PELP1: variants seen among roughly 807,000 people sequenced by gnomAD.
PELP1 encodes proline-, glutamic acid- and leucine-rich protein 1.
In PELP1, 32 loss-of-function variants were observed where a neutral mutation model predicts 95.5. The observed-to-expected ratio is 0.34, with a 90% CI of 0.25 to 0.45. PELP1 has a LOEUF of 0.45. Among genes scored for constraint, PELP1 ranks in the 20% least tolerant of loss-of-function variants. The pLI is 1.00. For synonymous variants in PELP1, 668 were observed against 600.1 expected, an observed-to-expected ratio of 1.11 and a Z score of -1.65; for missense variants, 1,358 against 1,444.8, an observed-to-expected ratio of 0.94 and a Z score of 0.97.
intron 5 of PELP1, among the ~76,000 whole-genome samples, chr17:4,677,541 T>C (rs1466417581): frequency 6.6e-6 from 1 of 152,226 alleles, no homozygotes; most frequent in Non-Finnish European, 1.5e-5. Context: ...ATTATAATTG[T>C]AACACATCCT....
intron 1 of PELP1, among the ~76,000 whole-genome samples, chr17:4,694,444 G>T (rs1416001277): frequency 6.8e-6 from 1 of 146,956 alleles, no homozygotes; most frequent in Non-Finnish European, 1.5e-5. Context: ...CTGAGGTCAG[G>T]GGTTTGAGAC....
intron 3 of PELP1, among the ~76,000 whole-genome samples, chr17:4,686,350 A>T (rs1912909008): frequency 6.6e-6 from 1 of 152,126 alleles, no homozygotes; most frequent in Admixed American, 6.5e-5. Context: ...TCTGACACTA[A>T]ATCTGTCTCA....
rs1003370912 is a variant in PELP1, at chr17:4,673,014, G to A, written c.1977C>T (p.Pro659=). Residue 659 remains proline, a synonymous_variant, in exon 16 of 17, where the codon CCC becomes CCT. Transcript: ENST00000572293. This position sits in a 1 kb window ranked among gnomAD's most constrained non-coding sequence, Gnocchi z 5.7. ...APVPPPEAPS[P]FRAPPFHPPG... ...GAGGATGGAACGGTGGGGCCCTGAA[G>A]GGCGATGGGGCCTCAGGAGGGGGAA... The A allele has an allele frequency of 1.9e-6, 3 of 1,540,908 alleles. No homozygotes were observed. The highest frequency in any genetic ancestry group is 1.7e-6 in the Non-Finnish European group (2 of 1,146,310).
intron 1 of PELP1, among the ~76,000 whole-genome samples, chr17:4,693,426 T>C (rs920524166): frequency 2.6e-5 from 4 of 152,248 alleles, no homozygotes; most frequent in Non-Finnish European, 4.4e-5. Flanking sequence ...AAACTGTTTT[T>C]TTCCTATACA....
At position 4,690,952 on chromosome 17, in the gene PELP1, C is replaced by T. The variant is rs748356348; in HGVS notation, c.356G>A (p.Ser119Asn). Residue 119 changes from serine (S) to asparagine (N), a missense_variant, in exon 3 of 17, where the codon AGC becomes AAC. Ser to Asn is a conservative substitution (Grantham distance 46, BLOSUM62 1). This residue lies in a region of PELP1 where 538 missense variants were observed against 628.1 expected (regional missense o/e 0.86). Transcript: ENST00000572293. ...GTGCTGCTGGAATAGCTCTGTGGGG[C>T]TCTCCCCTACCAGCAGGGACAGCAG... The part of the protein sequence containing the change: ...LCLLSLLVGE[S>N]PTELFQQHCV... 2 of 1,613,854 alleles carry T rather than the reference C, an allele frequency of 1.2e-6. No individual in the cohort carries two copies. Among genetic ancestry groups the T allele is most frequent in the Non-Finnish European group, 8.5e-7 (1 of 1,179,782 alleles).
At chr17:4,682,986 C>G (rs1912749043) in intron 3 of PELP1, 34 bp from the exon 4 acceptor site, 2 of 1,439,876 alleles carry the variant, frequency 1.4e-6, no homozygotes, top group South Asian at 1.6e-5. Flanking sequence ...TGCTTCCAGC[C>G]TCACCTTGAT....
chr17:4,704,023 C>T lies in PELP1; in HGVS notation c.89G>A (p.Gly30Asp), dbSNP rs761718615. The change falls in exon 1 of 17, where the codon GGC becomes GAC. Residue 30 changes from glycine (G) to aspartate (D), a missense_variant. Around this residue, in one of 7 missense-constraint regions of PELP1, gnomAD observed 169 missense variants for 134.9 expected, o/e 1.25. Transcript: ENST00000572293. ...CAGCAGCAGCAGGCGGAGCCGCGGG[C>T]CCGAGCTCACTGCCGAGAGACCCCC... ...GTGGLSAVSSGPRLRLLLLES... is the reference protein window; with the variant it reads ...GTGGLSAVSSDPRLRLLLLES... 6.2e-7 allele frequency: 1 copy of T among 1,613,052 alleles called. No homozygotes were observed. Among genetic ancestry groups the T allele is most frequent in the Non-Finnish European group, 8.5e-7 (1 of 1,179,706 alleles).
At chr17:4,682,021 C>A (rs1057072091) in intron 5 of PELP1, among the ~76,000 whole-genome samples, 3 of 151,624 alleles carry the variant, frequency 2.0e-5, no homozygotes, top group Non-Finnish European at 1.5e-5. Flanking sequence ...ATTAGCTGGG[C>A]GTGGTGGCAC....
intron 3 of PELP1, among the ~76,000 whole-genome samples, chr17:4,689,141 C>T (rs561070846): frequency 1.3e-5 from 2 of 152,270 alleles, no homozygotes; most frequent in African/African-American, 2.4e-5. Context: ...TGGCAAGCCA[C>T]ATGTAGAAGA....
intron 13 of PELP1, among the ~76,000 whole-genome samples, chr17:4,674,161 G>A (rs1271186557): frequency 3.3e-5 from 5 of 152,248 alleles, no homozygotes; most frequent in African/African-American, 9.6e-5. Flanking sequence ...ATACACCAAG[G>A]ACGTGCTGAA....
rs759715894 is a variant in PELP1 at position 4,673,365 on chromosome 17, C to T, written c.1730G>A (p.Arg577His). The T allele has an allele frequency of 4.4e-6, 7 of 1,595,620 alleles. No individual in the cohort carries two copies. Among genetic ancestry groups the T allele is most frequent in the Middle Eastern group, 1.7e-4 (1 of 5,876 alleles). Reference protein sequence around the residue: ...SSPYTSSRCRRELYCLLLALL... With the variant: ...SSPYTSSRCRHELYCLLLALL... ...CGCCAGCAGCAGGCAGTAGAGTTCA[C>T]GGCGGCAGCGGGAGCTCGTGTACGG... is the stretch of plus-strand genomic sequence containing the variant. The change falls in exon 15 of 17, where the codon CGT (arginine) becomes CAT (histidine). Residue 577 changes from arginine (R) to histidine (H), a missense_variant. Physicochemically the swap from Arg to His is conservative, Grantham distance 29. Transcript: ENST00000572293. The surrounding 1 kb of genome is among the most constrained non-coding windows in gnomAD (Gnocchi z 5.7).
chr17:4,703,166 C>T (rs967533006), intron 1 of PELP1, among the ~76,000 whole-genome samples: 1 of 152,182 alleles, frequency 6.6e-6, no homozygotes, highest in South Asian at 2.1e-4. Flanking sequence ...TCTCACCAGT[C>T]TCATCTGTAC....
rs1195886064 is a variant in PELP1 at position 4,675,341 on chromosome 17, G to A, written c.1090C>T (p.Leu364=). The change falls in exon 10 of 17, where the codon CTG becomes TTG. Residue 364 remains leucine (L), a synonymous_variant. Coordinates refer to ENST00000572293, the MANE Select transcript of PELP1 (RefSeq NM_014389.3). The surrounding 1 kb of genome is among the most constrained non-coding windows in gnomAD (Gnocchi z 4.3). The stretch of plus-strand genomic sequence containing the variant: ...ATAGAGGGCAGCAGCAGCAGCCGCA[G>A]GGGACCATCTCCATGCAAGCTCTGG... ...KNISLHGDGP[L]RLLLLPSIHL... is the part of the protein sequence containing the mutation. The A allele has an allele frequency of 3.9e-6, 6 of 1,554,422 alleles. No homozygotes were observed. The Admixed American group carries it at 5.8e-5, about 15-fold the overall frequency.
At chr17:4,683,532 T>TTTC (rs386385483) in intron 3 of PELP1, among the ~76,000 whole-genome samples, 1 of 4,462 alleles carries the variant, frequency 2.2e-4, no homozygotes, top group East Asian at 0.014. Context: ...TTTTCTTTTC[T>TTTC]TTTTTTTTTT....
intron 13 of PELP1, 91 bp downstream of exon 13, chr17:4,674,419 C>G: frequency 8.0e-7 from 1 of 1,245,414 alleles, no homozygotes; most frequent in Non-Finnish European, 1.1e-6. Context: ...AAAAGTTTCA[C>G]CTAAGGGTAT....
intron 1 of PELP1, among the ~76,000 whole-genome samples, chr17:4,696,303 A>G: frequency 6.6e-6 from 1 of 152,244 alleles, no homozygotes; most frequent in South Asian, 2.1e-4. Flanking sequence ...ACTACACTCC[A>G]GCCTGAACAG....
intron 5 of PELP1, among the ~76,000 whole-genome samples, chr17:4,682,186 T>C (rs1196980422): frequency 6.6e-6 from 1 of 151,638 alleles, no homozygotes; most frequent in South Asian, 2.1e-4. Flanking sequence ...GGTAGAAAAG[T>C]GGGTAGGGCA....
chr17:4,683,829 CTTTTTTTTTTTTT>C lies in PELP1; in HGVS notation c.421-890_421-878del, dbSNP rs994295435. ...ACAGGCGTGAGCCACAGTGCCCAGC[CTTTTTTTTTTTTT>C]TTTTTTTTTTTTTTGAGACAGGGTC... On this transcript the variant is annotated intron_variant, in intron 3 of 16. Transcript: ENST00000572293. 4.7e-4 allele frequency among the ~76,000 whole-genome samples: 43 copies of C among 91,278 alleles called. 1 individual carries two copies. The highest frequency in any genetic ancestry group is 1.2e-3 in the Admixed American group (10 of 8,418). 59.9% of individuals were successfully genotyped at this position (91,278 alleles called of 152,430 possible).
chr17:4,688,647 G>A (rs1225381972), intron 3 of PELP1, among the ~76,000 whole-genome samples: 1 of 152,174 alleles, frequency 6.6e-6, no homozygotes, highest in African/African-American at 2.4e-5. Context: ...CCAAGGAGGT[G>A]AAAGACCTCT....
Sources: allele counts gnomAD v4.1 joint callset (sites outside exome capture counted in the v4.1 genomes callset), GRCh38; gene constraint gnomAD v4.1.1; regional missense constraint gnomAD v4.1.1; non-coding constraint Gnocchi (gnomAD v3.1); transcripts MANE v1.5; gene names NCBI Gene and HGNC (gene_info 2026-07-23, HGNC 2026-07-21).